The following MYO18B variants were observed in gnomAD, a reference collection of about 807,000 sequenced individuals.
MYO18B encodes unconventional myosin-XVIIIb.
A neutral mutation model predicts 273.0 loss-of-function variants in MYO18B; 204 were observed. That is an observed-to-expected ratio of 0.75 (90% CI 0.67 to 0.84). MYO18B has a LOEUF of 0.84. Among genes scored for constraint, MYO18B ranks in the 40% least tolerant of loss-of-function variants. The pLI, the probability that MYO18B is intolerant of heterozygous loss-of-function variation, is 0.00. For missense variants in MYO18B, 3,212 were observed against 3,287.6 expected (o/e 0.98, Z 0.56); for synonymous variants, 1,330 against 1,305.7 (o/e 1.02, Z -0.40).
intron 40 of MYO18B, among the ~76,000 whole-genome samples, chr22:25,996,157 A>G (rs2146870366): frequency 6.6e-6 from 1 of 152,368 alleles, no homozygotes; most frequent in South Asian, 2.1e-4. Flanking sequence ...TGGACAAGTT[A>G]TTCAACCTCT....
intron 42 of MYO18B, among the ~76,000 whole-genome samples, chr22:26,025,251 G>A (rs534470750): frequency 2.0e-4 from 30 of 152,248 alleles, no homozygotes; most frequent in African/African-American, 6.5e-4. Context: ...AGGGAGCTTT[G>A]GGTTGGCTTC....
At position 25,785,494 on chromosome 22, in the gene MYO18B, AAGG is replaced by A. The variant is rs2145686077; in HGVS notation, c.2376+10_2376+12del. ...TTGGCATGGGCGTGTGGTCCAAGGT[AAGG>A]AGGAGGTCCCTCACGGGTGGGATGT... On this transcript the variant is annotated splice_donor_5th_base_variant and intron_variant, in intron 11 of 43. Transcript: ENST00000335473. The A allele has an allele frequency of 6.2e-7, 1 of 1,611,984 alleles. No individual in the cohort carries two copies. The highest frequency in any genetic ancestry group is 1.1e-5 in the South Asian group (1 of 90,374).
intron 39 of MYO18B, among the ~76,000 whole-genome samples, chr22:25,981,706 C>CA (rs2093150554): frequency 6.6e-6 from 1 of 152,212 alleles, no homozygotes; most frequent in African/African-American, 2.4e-5. Context: ...CATGGTGCCA[C>CA]AGCACTCCAG....
At position 26,030,985 on chromosome 22, in the gene MYO18B, TGATG is replaced by T; in HGVS notation, c.*556_*559del. 2.5e-6 allele frequency: 1 copy of T among 398,532 alleles called. No individual in the cohort carries two copies. The highest frequency in any genetic ancestry group is 4.4e-6 in the Non-Finnish European group (1 of 226,040). 24.7% of individuals were successfully genotyped at this position (398,532 alleles called of 1,614,324 possible). A position where few individuals can be genotyped will look rare whatever the true frequency, so the allele number is the denominator to read the frequency against. ...AAGTGTGTACAAGCATTCAAGAAAC[TGATG>T]AATGATGAATGAATGAATGAGCCAA... On this transcript the variant is annotated 3_prime_UTR_variant, in exon 44 of 44. Transcript: ENST00000335473.
intron 34 of MYO18B, among the ~76,000 whole-genome samples, chr22:25,922,381 T>C (rs1053758937): frequency 6.6e-6 from 1 of 151,870 alleles, no homozygotes; most frequent in Non-Finnish European, 1.5e-5. Flanking sequence ...GCAGCTAGTG[T>C]TGAGAAGTGT....
intron 39 of MYO18B, among the ~76,000 whole-genome samples, chr22:25,966,888 C>T (rs2092985272): frequency 6.6e-6 from 1 of 152,190 alleles, no homozygotes; most frequent in Non-Finnish European, 1.5e-5. Context: ...AGAGGTGTTA[C>T]CATCTAACGA....
intron 31 of MYO18B, among the ~76,000 whole-genome samples, chr22:25,907,139 A>G (rs1397784951): frequency 2.0e-5 from 3 of 152,240 alleles, no homozygotes; most frequent in Non-Finnish European, 2.9e-5. Flanking sequence ...TGCAATTTGT[A>G]TGTTTTAAAA....
At chr22:25,894,481 A>G (rs778624522) in intron 27 of MYO18B, among the ~76,000 whole-genome samples, 15 of 152,228 alleles carry the variant, frequency 9.9e-5, no homozygotes, top group Non-Finnish European at 2.2e-4. Context: ...ATTCCATTCT[A>G]ATCAGTCAAA....
At chr22:25,803,967 A>AACACACAC (rs151023852) in intron 12 of MYO18B, among the ~76,000 whole-genome samples, 9,170 of 136,786 alleles carry the variant, frequency 0.067, 328 homozygotes, top group African/African-American at 0.089. Context: ...TGACCCAGTG[A>AACACACAC]ACACACACAC....
intron 41 of MYO18B, among the ~76,000 whole-genome samples, chr22:26,003,525 A>G (rs1206598467): frequency 6.6e-6 from 1 of 152,196 alleles, no homozygotes; most frequent in Non-Finnish European, 1.5e-5. Flanking sequence ...TTCTCATGCT[A>G]CTGTCCTCAG....
chr22:25,813,933 G>A (rs964444345), intron 12 of MYO18B, among the ~76,000 whole-genome samples: 5 of 152,206 alleles, frequency 3.3e-5, no homozygotes, highest in African/African-American at 1.2e-4. Context: ...CAACCTGACA[G>A]CTACTGCAAC....
chr22:25,898,435 C>T lies in MYO18B; in HGVS notation c.4797C>T (p.Asn1599=). 6.2e-7 allele frequency: 1 copy of T among 1,613,844 alleles called. No individual in the cohort carries two copies. The highest frequency in any genetic ancestry group is 8.5e-7 in the Non-Finnish European group (1 of 1,179,818). Residue 1599 remains asparagine (N), a synonymous_variant, in exon 29 of 44, where the codon AAC becomes AAT. Transcript: ENST00000335473. ...CVLLENQQSR[N]HELEKKQKKF... is the part of the protein sequence containing the mutation. ...TGCTAGAGAACCAACAAAGTCGAAA[C>T]CATGAGCTGGAGAAGAAGCAGAAGA...
chr22:25,750,913 C>A (rs2085913424), intron 1 of MYO18B, among the ~76,000 whole-genome samples: 1 of 152,192 alleles, frequency 6.6e-6, no homozygotes, highest in African/African-American at 2.4e-5. Flanking sequence ...CTGCTGTGTG[C>A]CAGGCACACG....
At chr22:25,749,715 C>G (rs995390867) in intron 1 of MYO18B, among the ~76,000 whole-genome samples, 2 of 152,168 alleles carry the variant, frequency 1.3e-5, no homozygotes, top group African/African-American at 2.4e-5. Flanking sequence ...ATTACTCAAT[C>G]CTCTCCTGGG....
chr22:25,764,938 C>T (rs557979822), intron 3 of MYO18B, among the ~76,000 whole-genome samples: 1 of 150,444 alleles, frequency 6.6e-6, no homozygotes, highest in Non-Finnish European at 1.5e-5. Context: ...AGAGGCAGAG[C>T]GAGGGGGAGA....
At chr22:26,014,659 CCAATGTACACTTCCACCAACAGTGTATA>C (rs1221875055) in intron 42 of MYO18B, among the ~76,000 whole-genome samples, 1 of 151,824 alleles carries the variant, frequency 6.6e-6, no homozygotes, top group Non-Finnish European at 1.5e-5. Flanking sequence ...ATTTTTTTTT[CCAATGTACACTTCCACCAACAGTGTATA>C]AGCATTCGTT....
chr22:25,983,913 A>T (rs6004865), intron 39 of MYO18B, among the ~76,000 whole-genome samples: 2 of 152,002 alleles, frequency 1.3e-5, no homozygotes, highest in Non-Finnish European at 2.9e-5. Flanking sequence ...TGCTGTTGCT[A>T]ATCTCTCCTG....
chr22:25,873,298 G>A lies in MYO18B; in HGVS notation c.3952-988G>A, dbSNP rs115918307. ...ATTGATGAGTTACGGTCTGGAAATC[G>A]TGTACCGAGAGCTGTTTTCTGCTAG... is the stretch of plus-strand genomic sequence containing the variant. On this transcript the variant is annotated intron_variant, in intron 22 of 43. Transcript: ENST00000335473. 8.7e-3 allele frequency among the ~76,000 whole-genome samples: 1,320 copies of A among 152,250 alleles called. 28 individuals are homozygous for A. Among genetic ancestry groups the A allele is most frequent in the African/African-American group, 0.029 (1,207 of 41,544 alleles).
At chr22:25,798,904 C>T (rs1003248884) in intron 12 of MYO18B, among the ~76,000 whole-genome samples, 5 of 151,968 alleles carry the variant, frequency 3.3e-5, no homozygotes, top group South Asian at 2.1e-4. Flanking sequence ...GGAGATGTTC[C>T]CTGCCACATG....
Sources: gnomAD v4.1 joint callset for allele counts (sites outside exome capture counted in the v4.1 genomes callset) on GRCh38, gnomAD v4.1.1 for gene constraint, MANE v1.5 for transcripts, NCBI Gene and HGNC (gene_info 2026-07-23, HGNC 2026-07-21) for gene names.